Variants in NLRP11 observed in about 807,000 individuals in gnomAD.
NLRP11 encodes the protein NLR family pyrin domain containing 11.
In NLRP11, 53 loss-of-function variants were observed where a neutral mutation model predicts 79.3. The ratio of observed to expected loss-of-function variants is 0.67; its 90% CI spans 0.54 to 0.84. The LOEUF (loss-of-function observed/expected upper bound fraction) is 0.84. Ranked by LOEUF, NLRP11 falls within the 40% of genes least tolerant of loss-of-function variation. The pLI is 0.00. For missense variants in NLRP11, 1,264 were observed against 1,255.0 expected, an observed-to-expected ratio of 1.01 and a Z score of -0.11; for synonymous variants, 518 against 462.6, an observed-to-expected ratio of 1.12 and a Z score of -1.54.
chr19:55,818,804 C>G (rs1005372123), intron 1 of NLRP11, among the ~76,000 whole-genome samples: 4 of 152,056 alleles, frequency 2.6e-5, no homozygotes, highest in Non-Finnish European at 4.4e-5. Flanking sequence ...ATGATGTACT[C>G]TGTTCTGTCT....
chr19:55,790,323 ACTC>A (rs1174383585), intron 7 of NLRP11, among the ~76,000 whole-genome samples: 1 of 152,184 alleles, frequency 6.6e-6, no homozygotes, highest in Non-Finnish European at 1.5e-5. Context: ...TGTCACAACT[ACTC>A]AGTTTTGCCA....
At chr19:55,789,866 G>A (rs1299128823) in intron 7 of NLRP11, among the ~76,000 whole-genome samples, 3 of 152,170 alleles carry the variant, frequency 2.0e-5, no homozygotes, top group Non-Finnish European at 4.4e-5. Flanking sequence ...CTCAAAGCAA[G>A]CAACGTACTC....
At chr19:55,818,354 C>T (rs755639661) in intron 1 of NLRP11, 118 bp from the exon 2 acceptor site, 4 of 597,984 alleles carry the variant, frequency 6.7e-6, no homozygotes, top group South Asian at 2.1e-5. Context: ...AGGCCATCAA[C>T]GATAAGTCTG....
intron 5 of NLRP11, among the ~76,000 whole-genome samples, chr19:55,796,849 C>T (rs182128001): frequency 7.4e-4 from 112 of 152,182 alleles, no homozygotes; most frequent in East Asian, 3.7e-3. Flanking sequence ...TTACCACACC[C>T]GGCTAATGTT....
chr19:55,816,212 A>C (rs945498430), intron 2 of NLRP11, among the ~76,000 whole-genome samples: 2 of 152,236 alleles, frequency 1.3e-5, no homozygotes, highest in Non-Finnish European at 2.9e-5. Flanking sequence ...TGCCATTGGA[A>C]GCCAAAGAAG....
At chr19:55,833,765 C>CAAAAAAA (rs71182919), upstream of NLRP11, among the ~76,000 whole-genome samples, 1 of 23,490 alleles carries the variant, frequency 4.3e-5, no homozygotes, top group Non-Finnish European at 8.4e-5. Flanking sequence ...GACTCCGTCT[C>CAAAAAAA]AAAAAAAAAA....
chr19:55,822,094 A>G (rs1309700214), intron 1 of NLRP11, among the ~76,000 whole-genome samples: 1 of 152,154 alleles, frequency 6.6e-6, no homozygotes, highest in East Asian at 1.9e-4. Context: ...CCCCATCTCT[A>G]CTAAAAATAC....
intron 2 of NLRP11, among the ~76,000 whole-genome samples, chr19:55,812,344 G>A (rs189483092): frequency 0.015 from 2,354 of 152,178 alleles, 63 homozygotes; most frequent in African/African-American, 0.05. Flanking sequence ...AAAGGATGAG[G>A]GGGCACCAGC....
chr19:55,820,444 A>G (rs1449707001), intron 1 of NLRP11, among the ~76,000 whole-genome samples: 3 of 152,112 alleles, frequency 2.0e-5, no homozygotes, highest in African/African-American at 7.2e-5. Context: ...ACAAATGAGA[A>G]GGTTAACTAG....
At chr19:55,795,962 T>C in intron 6 of NLRP11, 118 bp downstream of exon 6, 1 of 881,924 alleles carries the variant, frequency 1.1e-6, no homozygotes, top group Non-Finnish European at 1.8e-6. Context: ...CTCCAAAGAC[T>C]GTGCTTTCGG....
At chr19:55,804,532 C>T (rs951753360) in intron 4 of NLRP11, among the ~76,000 whole-genome samples, 1 of 151,522 alleles carries the variant, frequency 6.6e-6, no homozygotes, top group Non-Finnish European at 1.5e-5. Flanking sequence ...TGCATGTTCT[C>T]GCTTGTAAGA....
chr19:55,785,600 T>G, exon 10 of NLRP11: 2 of 1,589,820 alleles, frequency 1.3e-6, no homozygotes, highest in Non-Finnish European at 8.6e-7. Flanking sequence ...TAATTTATAA[T>G]AAATACTGTT....
intron 4 of NLRP11, among the ~76,000 whole-genome samples, chr19:55,804,952 A>C (rs1401241606): frequency 1.3e-5 from 2 of 152,072 alleles, no homozygotes; most frequent in Non-Finnish European, 2.9e-5. Context: ...AGTCCCAGCT[A>C]CTCAGGAGGC....
exon 10 of NLRP11, chr19:55,785,727 A>C: frequency 6.2e-7 from 1 of 1,614,082 alleles, no homozygotes; most frequent in African/African-American, 1.3e-5. Context: ...GTATTATTGA[A>C]CCTGGCTGAG....
intron 1 of NLRP11, among the ~76,000 whole-genome samples, chr19:55,821,865 T>C (rs1981774410): frequency 6.6e-6 from 1 of 152,256 alleles, no homozygotes; most frequent in East Asian, 1.9e-4. Flanking sequence ...AGGACCACTG[T>C]TTCTCTTTCT....
chr19:55,830,151 A>G (rs1452220718), intron 1 of NLRP11, among the ~76,000 whole-genome samples: 1 of 152,136 alleles, frequency 6.6e-6, no homozygotes, highest in Non-Finnish European at 1.5e-5. Flanking sequence ...TTCTTCTTTT[A>G]AATCTTGTAT....
chr19:55,793,555 C>CAA (rs1385442204), intron 6 of NLRP11, among the ~76,000 whole-genome samples: 47 of 30,696 alleles, frequency 1.5e-3, no homozygotes, highest in Non-Finnish European at 2.1e-3. Context: ...GTGACTGTCT[C>CAA]CAAAAAAAAA....
chr19:55,811,168 A>G (rs1245961866), intron 2 of NLRP11, among the ~76,000 whole-genome samples: 1 of 152,192 alleles, frequency 6.6e-6, no homozygotes. Context: ...GAACTACTTA[A>G]GATAAATGAA....
intron 7 of NLRP11, among the ~76,000 whole-genome samples, chr19:55,791,934 CA>C (rs1190970204): frequency 6.6e-6 from 1 of 152,158 alleles, no homozygotes; most frequent in Non-Finnish European, 1.5e-5. Context: ...CCATGATCGC[CA>C]ACCCCAAAAG....
Sources: gnomAD v4.1 joint callset for allele counts (sites outside exome capture counted in the v4.1 genomes callset) on GRCh38, gnomAD v4.1.1 for gene constraint, MANE v1.5 for transcripts, NCBI Gene and HGNC (gene_info 2026-07-23, HGNC 2026-07-21) for gene names.